Variants in ANKS1B observed in about 807,000 individuals in gnomAD.
ANKS1B encodes the protein ankyrin repeat and sterile alpha motif domain-containing protein 1B.
Under a neutral mutation model 148.3 loss-of-function variants are expected in ANKS1B, and 36 were observed. The ratio of observed to expected loss-of-function variants is 0.24; its 90% CI spans 0.19 to 0.32. The LOEUF (loss-of-function observed/expected upper bound fraction) is 0.32. Ranked by LOEUF, ANKS1B falls within the 10% of genes least tolerant of loss-of-function variation. The pLI, the probability that ANKS1B is intolerant of heterozygous loss-of-function variation, is 1.00. For synonymous variants in ANKS1B, 542 were observed against 560.8 expected, an observed-to-expected ratio of 0.97 and a Z score of 0.47; for missense variants, 1,157 against 1,542.6, an observed-to-expected ratio of 0.75 and a Z score of 4.19.
chr12:99,915,887 C>T (rs61941561), intron 1 of ANKS1B, among the ~76,000 whole-genome samples: 2,926 of 152,194 alleles, frequency 0.019, 42 homozygotes, highest in South Asian at 0.042. Context: ...CATTCTGTTG[C>T]GTTCATTAAC....
intron 17 of ANKS1B, among the ~76,000 whole-genome samples, chr12:98,900,585 G>A (rs1342131749): frequency 6.6e-6 from 1 of 152,142 alleles, no homozygotes; most frequent in African/African-American, 2.4e-5. Flanking sequence ...AAGAGAGAGT[G>A]AGAGCATGCC....
chr12:99,551,076 C>CT (rs1315613845), intron 9 of ANKS1B, among the ~76,000 whole-genome samples: 4 of 152,184 alleles, frequency 2.6e-5, no homozygotes, highest in African/African-American at 9.7e-5. Flanking sequence ...TCCCTGACCT[C>CT]TATGTCCCAG....
chr12:99,327,378 ATAAT>A (rs1436950374), intron 12 of ANKS1B, among the ~76,000 whole-genome samples: 4 of 129,820 alleles, frequency 3.1e-5, no homozygotes, highest in African/African-American at 3.0e-5. Flanking sequence ...CATATTATAT[ATAAT>A]TATATATTAT....
intron 10 of ANKS1B, among the ~76,000 whole-genome samples, chr12:99,464,071 C>T (rs2152870550): frequency 6.6e-6 from 1 of 152,298 alleles, no homozygotes; most frequent in East Asian, 1.9e-4. Context: ...CCTCACATGG[C>T]CGGGTACTCC....
intron 10 of ANKS1B, among the ~76,000 whole-genome samples, chr12:99,496,628 A>C: frequency 6.6e-6 from 1 of 152,214 alleles, no homozygotes; most frequent in East Asian, 1.9e-4. Flanking sequence ...CCTTGGAAAG[A>C]GTATCCTTCA....
intron 8 of ANKS1B, among the ~76,000 whole-genome samples, chr12:99,737,409 A>T (rs1461222485): frequency 6.6e-6 from 1 of 152,136 alleles, no homozygotes; most frequent in Non-Finnish European, 1.5e-5. Flanking sequence ...AGAAATCCTT[A>T]TGTTAAGTGA....
In ANKS1B at chr12:99,185,173, A is replaced by G. The variant is rs142048985; in HGVS notation, c.2420-30778T>C. 9.8e-5 allele frequency among the ~76,000 whole-genome samples: 15 copies of G among 152,346 alleles called. No individual in the cohort carries two copies. The East Asian group carries it at 2.7e-3, about 27-fold the overall frequency. On this transcript the variant is annotated intron_variant, in intron 14 of 26. Transcript: ENST00000683438. ...AGAATGTGAGTTTAAAAAGTATCAG[A>G]TCATTGACTGATTCTTCAGAAGGAT...
At position 98,751,374 on chromosome 12, in the gene ANKS1B, A is replaced by C; in HGVS notation, c.3728T>G (p.Val1243Gly). The change falls in exon 26 of 27, where the codon GTT becomes GGT. Residue 1243 changes from valine (V) to glycine (G), a missense_variant. Val to Gly is a moderately radical substitution (Grantham distance 109, BLOSUM62 -3). Around this residue, in one of 6 missense-constraint regions of ANKS1B, gnomAD observed 46 missense variants for 62.0 expected, o/e 0.74. Transcript: ENST00000683438. The surrounding 1 kb of genome is among the most constrained non-coding windows in gnomAD (Gnocchi z 4.3). Reference sequence around the variant, plus strand: ...ACTTACCACGGACTTGCGAATGCTAACGCGGGGCTTGGGGATGGGTTTGGA... The same window carrying C: ...ACTTACCACGGACTTGCGAATGCTACCGCGGGGCTTGGGGATGGGTTTGGA... Reference protein sequence around the residue: ...KPSKPIPKPRVSIRKSVQIDP... With the variant: ...KPSKPIPKPRGSIRKSVQIDP... The C allele has an allele frequency of 6.2e-7, 1 of 1,613,816 alleles. No homozygotes were observed. The highest frequency in any genetic ancestry group is 8.5e-7 in the Non-Finnish European group (1 of 1,179,770).
At chr12:98,837,198 A>G (rs913099258) in intron 17 of ANKS1B, among the ~76,000 whole-genome samples, 9 of 151,736 alleles carry the variant, frequency 5.9e-5, no homozygotes, top group African/African-American at 1.2e-4. Context: ...TTAGCCAGGC[A>G]TGGTGGCGCA....
intron 1 of ANKS1B, among the ~76,000 whole-genome samples, chr12:99,982,163 T>C (rs918994509): frequency 6.6e-5 from 10 of 152,164 alleles, no homozygotes; most frequent in African/African-American, 9.6e-5. Flanking sequence ...TTGTTTACTT[T>C]TGTTTTCTAT....
intron 17 of ANKS1B, among the ~76,000 whole-genome samples, chr12:99,029,526 A>G (rs554373192): frequency 3.3e-4 from 50 of 152,352 alleles, no homozygotes; most frequent in Non-Finnish European, 5.6e-4. Context: ...TACTCCTTCA[A>G]CAGCACAATC....
chr12:99,396,505 C>T (rs965552120), intron 12 of ANKS1B, among the ~76,000 whole-genome samples: 1 of 152,160 alleles, frequency 6.6e-6, no homozygotes, highest in African/African-American at 2.4e-5. Context: ...TAGAAAACCA[C>T]TGTAACATGG....
At chr12:99,821,417 A>C (rs543445040) in intron 2 of ANKS1B, among the ~76,000 whole-genome samples, 5 of 152,074 alleles carry the variant, frequency 3.3e-5, no homozygotes, top group South Asian at 2.1e-4. Context: ...GTTTGTGAGA[A>C]TCTTAATGAT....
At chr12:98,889,932 G>C (rs909302441) in intron 17 of ANKS1B, among the ~76,000 whole-genome samples, 1 of 152,138 alleles carries the variant, frequency 6.6e-6, no homozygotes, top group African/African-American at 2.4e-5. Context: ...GGAGGTATTA[G>C]GAAGAGAGGG....
intron 14 of ANKS1B, among the ~76,000 whole-genome samples, chr12:99,179,996 T>C (rs1280297507): frequency 6.6e-6 from 1 of 152,204 alleles, no homozygotes; most frequent in Non-Finnish European, 1.5e-5. Flanking sequence ...CTCCTTGTTA[T>C]GAGAATGCTT....
chr12:99,058,889 T>C (rs113751240), intron 16 of ANKS1B, among the ~76,000 whole-genome samples: 6,834 of 150,736 alleles, frequency 0.045, 310 homozygotes, highest in African/African-American at 0.11. Context: ...AGGCGCCCGC[T>C]ACCACGCCCG....
chr12:99,841,034 T>C (rs548275277), intron 1 of ANKS1B, among the ~76,000 whole-genome samples: 1 of 152,204 alleles, frequency 6.6e-6, no homozygotes, highest in East Asian at 1.9e-4. Flanking sequence ...ATTCAAACTG[T>C]CTGGACTAAA....
chr12:99,585,548 C>A (rs866475207), intron 9 of ANKS1B, among the ~76,000 whole-genome samples: 2 of 152,172 alleles, frequency 1.3e-5, no homozygotes, highest in Admixed American at 6.5e-5. Flanking sequence ...TGCCCCAGTG[C>A]GGACTCTGTG....
At chr12:99,629,321 T>C (rs967602808) in intron 9 of ANKS1B, among the ~76,000 whole-genome samples, 10 of 152,166 alleles carry the variant, frequency 6.6e-5, no homozygotes, top group Admixed American at 3.3e-4. Flanking sequence ...AGTTAATTCA[T>C]ACTGAATTGT....
Sources: allele counts gnomAD v4.1 joint callset (sites outside exome capture counted in the v4.1 genomes callset), GRCh38; gene constraint gnomAD v4.1.1; regional missense constraint gnomAD v4.1.1; non-coding constraint Gnocchi (gnomAD v3.1); transcripts MANE v1.5; gene names NCBI Gene and HGNC (gene_info 2026-07-23, HGNC 2026-07-21).